The following HTRA3 variants were observed in gnomAD, a reference collection of about 807,000 sequenced individuals.
The protein encoded by HTRA3 is serine protease HTRA3.
Under a neutral mutation model 43.2 loss-of-function variants are expected in HTRA3, and 41 were observed. The observed-to-expected ratio is 0.95, with a 90% CI of 0.74 to 1.23. The LOEUF (loss-of-function observed/expected upper bound fraction) is 1.23, where lower values mean the gene tolerates loss of function less well. HTRA3 is among the 50% of genes most tolerant of loss of function. HTRA3 has a pLI of 0.00. For synonymous variants in HTRA3, 295 were observed against 287.9 expected (o/e 1.02, Z -0.25); for missense variants, 628 against 647.1 (o/e 0.97, Z 0.32).
At chr4:8,278,238 C>T (rs1031153313) in intron 1 of HTRA3, among the ~76,000 whole-genome samples, 7 of 152,042 alleles carry the variant, frequency 4.6e-5, no homozygotes, top group Admixed American at 1.3e-4. Flanking sequence ...GAGCTGGAGC[C>T]CTGGCACCCT....
At chr4:8,289,704 C>A (rs1360286450) in intron 3 of HTRA3, among the ~76,000 whole-genome samples, 1 of 152,216 alleles carries the variant, frequency 6.6e-6, no homozygotes. Flanking sequence ...TAAATCGAGC[C>A]ATGGGAAAGG....
intron 2 of HTRA3, among the ~76,000 whole-genome samples, chr4:8,283,635 C>A (rs1712844203): frequency 6.6e-6 from 1 of 152,230 alleles, no homozygotes; most frequent in Admixed American, 6.5e-5. Flanking sequence ...CGGCAAACAG[C>A]CTGATGAGGA....
intron 1 of HTRA3, among the ~76,000 whole-genome samples, chr4:8,277,617 C>CA (rs1393886084): frequency 1.3e-5 from 2 of 152,212 alleles, no homozygotes; most frequent in African/African-American, 4.8e-5. Flanking sequence ...ACCACATGTG[C>CA]AAAGGCACAG....
Position 8,304,298 on chromosome 4 carries a change from G to C in HTRA3, c.1196+19G>C. 6.2e-7 allele frequency: 1 copy of C among 1,605,530 alleles called. No individual in the cohort carries two copies. Among genetic ancestry groups the C allele is most frequent in the Middle Eastern group, 1.7e-4 (1 of 6,042 alleles). ...CTCAGAGGTAGGCTCTGCCAGAGGA[G>C]ATCGCTCGAGGCATGGGGCAGGCGT... On this transcript the variant is annotated intron_variant, in intron 8 of 8. Transcript: ENST00000307358.
intron 6 of HTRA3, among the ~76,000 whole-genome samples, chr4:8,294,594 A>G (rs1222890818): frequency 0.2 from 2 of 10 alleles, no homozygotes; most frequent in African/African-American, 0.25. Context: ...CCATCCATCC[A>G]TCCATCCATC....
At chr4:8,302,650 T>C (rs1240180101) in intron 7 of HTRA3, 139 bp downstream of exon 7, 1 of 764,532 alleles carries the variant, frequency 1.3e-6, no homozygotes, top group Non-Finnish European at 2.3e-6. Context: ...CTCTGACCGT[T>C]GCTCAGGCCA....
rs1046882727 is a variant in HTRA3, at chr4:8,286,034, G to T, written c.486-527G>T. 2.0e-5 allele frequency among the ~76,000 whole-genome samples: 3 copies of T among 152,240 alleles called. No homozygotes were observed. The highest frequency in any genetic ancestry group is 7.2e-5 in the African/African-American group (3 of 41,456). The stretch of plus-strand genomic sequence containing the variant: ...CTGCTGCAGCCCTGCAGGATGCTGT[G>T]TGTGCAATGGGGCTTTTCCCCTAGG... On this transcript the variant is annotated intron_variant, in intron 2 of 8. Transcript: ENST00000307358. This position sits in a 1 kb window ranked among gnomAD's most constrained non-coding sequence, Gnocchi z 4.9.
At chr4:8,300,044 T>A (rs1713582968) in intron 6 of HTRA3, among the ~76,000 whole-genome samples, 1 of 152,220 alleles carries the variant, frequency 6.6e-6, no homozygotes. Flanking sequence ...TTCACCATGT[T>A]GGCCAGGCTG....
At chr4:8,301,830 G>A (rs4696796) in intron 6 of HTRA3, among the ~76,000 whole-genome samples, 87,467 of 151,998 alleles carry the variant, frequency 0.58, 25,510 homozygotes, top group East Asian at 0.86. Flanking sequence ...GGAATTTTCT[G>A]GATACCTATT....
chr4:8,285,226 A>C (rs1712908001), intron 2 of HTRA3, among the ~76,000 whole-genome samples: 2 of 152,192 alleles, frequency 1.3e-5, no homozygotes, highest in Non-Finnish European at 2.9e-5. Flanking sequence ...ATAAAGTCAC[A>C]TTCACAGTCA....
rs144298178 is a variant in HTRA3, at chr4:8,274,666, T to A, written c.385+4313T>A. Among the ~76,000 whole-genome samples the A allele has an allele frequency of 5.9e-5, 9 of 152,290 alleles. No homozygotes were observed. In the East Asian group the frequency reaches 1.7e-3, roughly 29 times the overall value. On this transcript the variant is annotated intron_variant, in intron 1 of 8. Transcript: ENST00000307358. Reference sequence around the variant, plus strand: ...CGCAGTTGCACAGAGTGGATAAATGTCCATCCACGGGATGGTAAAAGCAGG... The same window carrying A: ...CGCAGTTGCACAGAGTGGATAAATGACCATCCACGGGATGGTAAAAGCAGG...
At chr4:8,285,947 T>A (rs1401578132) in intron 2 of HTRA3, among the ~76,000 whole-genome samples, 1 of 152,174 alleles carries the variant, frequency 6.6e-6, no homozygotes, top group Non-Finnish European at 1.5e-5. Flanking sequence ...CTCCCAGCAC[T>A]CACCCTGTCG....
Position 8,282,535 on chromosome 4 carries a change from A to G in HTRA3, c.484A>G (p.Arg162Gly). Residue 162 changes from arginine to glycine, a missense_variant and splice_region_variant, in exon 2 of 9, where the codon AGA (arginine) becomes GGA (glycine). Physicochemically the swap from Arg to Gly is moderately radical, Grantham distance 125. Transcript: ENST00000307358. ...PAVVHIELFL[R>G]HPLFGRNVPL... ...CGTGGTCCACATAGAGCTCTTCCTG[A>G]GGTGGGTGAATACCCCTCGCCCCTC... is the stretch of plus-strand genomic sequence containing the variant. 6.2e-7 allele frequency: 1 copy of G among 1,611,762 alleles called. No individual in the cohort carries two copies. Among genetic ancestry groups the G allele is most frequent in the Non-Finnish European group, 8.5e-7 (1 of 1,177,998 alleles).
chr4:8,294,450 G>T (rs1713365187), intron 6 of HTRA3, among the ~76,000 whole-genome samples: 1 of 151,808 alleles, frequency 6.6e-6, no homozygotes, highest in Admixed American at 6.5e-5. Flanking sequence ...CCCCTCCAAG[G>T]CTGTCTCCTT....
chr4:8,300,933 A>G (rs528993746), intron 6 of HTRA3, among the ~76,000 whole-genome samples: 1 of 146,422 alleles, frequency 6.8e-6, no homozygotes, highest in African/African-American at 2.6e-5. Context: ...TGATCCAGTC[A>G]TCTTTATTAT....
intron 2 of HTRA3, among the ~76,000 whole-genome samples, chr4:8,284,223 C>T (rs995536766): frequency 6.6e-6 from 1 of 152,314 alleles, no homozygotes; most frequent in African/African-American, 2.4e-5. Context: ...ACACTGACCC[C>T]TCACTGCCCT....
Position 8,297,685 on chromosome 4 carries a change from G to A in HTRA3, c.1051+3484G>A, listed in dbSNP as rs558634607. Among the ~76,000 whole-genome samples, 1 of 152,224 alleles carries A rather than the reference G, an allele frequency of 6.6e-6. No individual in the cohort carries two copies. The highest frequency in any genetic ancestry group is 2.1e-4 in the South Asian group (1 of 4,828). ...CAGGGGACTCCCAGGCAGTGGGAGTGGGAAGGGCCCATGTCCCAGGTGGGC... is the reference window on the plus strand; with the variant it reads ...CAGGGGACTCCCAGGCAGTGGGAGTAGGAAGGGCCCATGTCCCAGGTGGGC... On this transcript the variant is annotated intron_variant, in intron 6 of 8. Coordinates refer to ENST00000307358, the MANE Select transcript of HTRA3 (RefSeq NM_053044.5). This position sits in a 1 kb window ranked among gnomAD's most constrained non-coding sequence, Gnocchi z 5.8.
intron 1 of HTRA3, among the ~76,000 whole-genome samples, chr4:8,277,042 C>A (rs1016823297): frequency 8.5e-5 from 13 of 152,208 alleles, no homozygotes; most frequent in African/African-American, 3.1e-4. Context: ...GGGGAGGCAG[C>A]GGGTTCCTCT....
At position 8,295,500 on chromosome 4, in the gene HTRA3, C is replaced by T. The variant is rs565279090; in HGVS notation, c.1051+1299C>T. ...CCCATTGCCTCCTTAAGTGGGCAGT[C>T]GCAGCCACCTTCCAGAGCAGGGCCA... On this transcript the variant is annotated intron_variant, in intron 6 of 8. Transcript: ENST00000307358. This position sits in a 1 kb window ranked among gnomAD's most constrained non-coding sequence, Gnocchi z 6.9. Among the ~76,000 whole-genome samples the T allele has an allele frequency of 6.6e-6, 1 of 152,338 alleles. No homozygotes were observed. The highest frequency in any genetic ancestry group is 1.9e-4 in the East Asian group (1 of 5,186).
Sources: allele counts gnomAD v4.1 joint callset (sites outside exome capture counted in the v4.1 genomes callset), GRCh38; gene constraint gnomAD v4.1.1; non-coding constraint Gnocchi (gnomAD v3.1); transcripts MANE v1.5; gene names NCBI Gene and HGNC (gene_info 2026-07-23, HGNC 2026-07-21).